The following ETS1 variants were observed in gnomAD, a reference collection of about 807,000 sequenced individuals.
The protein encoded by ETS1 is protein C-ets-1.
In ETS1, 15 loss-of-function variants were observed where a neutral mutation model predicts 58.6. The ratio of observed to expected loss-of-function variants is 0.26; its 90% confidence interval spans 0.17 to 0.39. ETS1 has a LOEUF of 0.39. ETS1 is among the 10% of genes least tolerant of loss of function. The pLI is 1.00. For missense variants in ETS1, 417 were observed against 610.5 expected (o/e 0.68, Z 3.34); for synonymous variants, 214 against 218.2 (o/e 0.98, Z 0.17).
intron 2 of ETS1, among the ~76,000 whole-genome samples, chr11:128,558,506 G>A (rs922055592): frequency 8.6e-5 from 13 of 152,018 alleles, no homozygotes; most frequent in African/African-American, 2.4e-4. Context: ...TTAGCCAGGC[G>A]TGGTGGTGGG....
At chr11:128,512,189 T>G (rs1297454468) in intron 3 of ETS1, among the ~76,000 whole-genome samples, 2 of 152,212 alleles carry the variant, frequency 1.3e-5, no homozygotes, top group African/African-American at 4.8e-5. Context: ...TAATCTCAGT[T>G]TCTTCATCTA....
intron 3 of ETS1, among the ~76,000 whole-genome samples, chr11:128,512,515 G>A (rs1565390283): frequency 6.6e-6 from 1 of 152,228 alleles, no homozygotes; most frequent in Non-Finnish European, 1.5e-5. Context: ...TAACCCCCAT[G>A]TGCGGGCACC....
chr11:128,536,207 C>A (rs1431938668), intron 3 of ETS1, among the ~76,000 whole-genome samples: 2 of 152,160 alleles, frequency 1.3e-5, no homozygotes, highest in African/African-American at 4.8e-5. Context: ...CCAGATGCAG[C>A]TTGGCATGTA....
intron 2 of ETS1, among the ~76,000 whole-genome samples, chr11:128,567,289 G>A (rs1287169610): frequency 6.6e-6 from 1 of 152,192 alleles, no homozygotes; most frequent in Non-Finnish European, 1.5e-5. Context: ...CAGCCTCCCT[G>A]GGGTCCCTCC....
At chr11:128,577,547 A>G (rs1864775683) in intron 1 of ETS1, among the ~76,000 whole-genome samples, 1 of 152,198 alleles carries the variant, frequency 6.6e-6, no homozygotes, top group African/African-American at 2.4e-5. Flanking sequence ...CACATAGATA[A>G]CTGTTAAATA....
chr11:128,532,631 G>T (rs1863914720), intron 3 of ETS1, among the ~76,000 whole-genome samples: 1 of 151,792 alleles, frequency 6.6e-6, no homozygotes, highest in African/African-American at 2.4e-5. Flanking sequence ...ACTCCAAAAT[G>T]TACATGGCTG....
chr11:128,562,128 C>T (rs551032603), intron 2 of ETS1, among the ~76,000 whole-genome samples: 12 of 152,318 alleles, frequency 7.9e-5, no homozygotes, highest in South Asian at 6.2e-4. Flanking sequence ...CTTGGCCGGA[C>T]GCGGTGGCTC....
intron 2 of ETS1, 78 bp downstream of exon 2, chr11:128,572,984 G>C: frequency 8.8e-7 from 1 of 1,132,858 alleles, no homozygotes; most frequent in South Asian, 1.3e-5. Context: ...TGTCTACTGG[G>C]GGTCAGGATA....
intron 2 of ETS1, among the ~76,000 whole-genome samples, chr11:128,567,648 T>TTTTGTTTTTG (rs1864532336): frequency 6.6e-6 from 1 of 151,656 alleles, no homozygotes; most frequent in African/African-American, 2.4e-5. Flanking sequence ...TTGTTTTTGT[T>TTTTGTTTTTG]TTGAGACAGA....
intron 3 of ETS1, among the ~76,000 whole-genome samples, chr11:128,524,025 G>A (rs1172620426): frequency 6.6e-6 from 1 of 152,158 alleles, no homozygotes; most frequent in Non-Finnish European, 1.5e-5. Flanking sequence ...TTTTGTTGAT[G>A]TTGTATTGAG....
chr11:128,474,297 C>A (rs1291305133), intron 8 of ETS1, among the ~76,000 whole-genome samples: 6 of 152,106 alleles, frequency 3.9e-5, no homozygotes, highest in Admixed American at 2.0e-4. Context: ...GCAGCTGAAT[C>A]AAGACACTAA....
chr11:128,555,660 A>G (rs761036094), intron 3 of ETS1, among the ~76,000 whole-genome samples: 6 of 152,224 alleles, frequency 3.9e-5, no homozygotes, highest in African/African-American at 7.2e-5. Context: ...TAAACCAAGA[A>G]CTAGTGGAAT....
At chr11:128,585,306 AGG>A (rs1305778551) in intron 1 of ETS1, among the ~76,000 whole-genome samples, 1 of 129,816 alleles carries the variant, frequency 7.7e-6, no homozygotes, top group South Asian at 2.7e-4. Context: ...AAGGGAGGGA[AGG>A]GAGGGAAGAA....
intron 5 of ETS1, 22 bp downstream of exon 5, chr11:128,489,268 C>G (rs746602210): frequency 6.2e-7 from 1 of 1,608,782 alleles, no homozygotes; most frequent in Non-Finnish European, 8.5e-7. Flanking sequence ...ACCTCCACCT[C>G]TCTCTGTTTC....
intron 8 of ETS1, among the ~76,000 whole-genome samples, chr11:128,465,443 A>G (rs2135412579): frequency 6.6e-6 from 1 of 152,304 alleles, no homozygotes; most frequent in South Asian, 2.1e-4. Flanking sequence ...GGAGTTGCCT[A>G]AAGTCATGAG....
chr11:128,506,321 A>T (rs1863230216), intron 3 of ETS1, among the ~76,000 whole-genome samples: 1 of 152,232 alleles, frequency 6.6e-6, no homozygotes, highest in South Asian at 2.1e-4. Flanking sequence ...TGTTAGAGAG[A>T]GAAAGAGCTA....
chr11:128,578,416 G>A (rs538403360), intron 1 of ETS1, among the ~76,000 whole-genome samples: 13 of 152,092 alleles, frequency 8.5e-5, no homozygotes, highest in Non-Finnish European at 1.8e-4. Context: ...TTGGGGTTAT[G>A]TATTCCTAAA....
chr11:128,541,339 C>T (rs1179735727), intron 3 of ETS1, among the ~76,000 whole-genome samples: 1 of 152,208 alleles, frequency 6.6e-6, no homozygotes, highest in East Asian at 1.9e-4. Flanking sequence ...CACCCTAAAC[C>T]AGTCAGTAAC....
chr11:128,571,366 A>G (rs1864624466), intron 2 of ETS1, among the ~76,000 whole-genome samples: 2 of 150,914 alleles, frequency 1.3e-5, no homozygotes, highest in African/African-American at 2.5e-5. Flanking sequence ...GCAGGGAGCT[A>G]AGATCGCACC....
Sources: gnomAD v4.1 joint callset for allele counts (sites outside exome capture counted in the v4.1 genomes callset) on GRCh38, gnomAD v4.1.1 for gene constraint, MANE v1.5 for transcripts, NCBI Gene and HGNC (gene_info 2026-07-23, HGNC 2026-07-21) for gene names.